Variants in COL25A1 observed in about 807,000 individuals in gnomAD.
COL25A1 encodes the protein collagen alpha-1(XXV) chain.
Under a neutral mutation model 128.4 loss-of-function variants are expected in COL25A1, and 103 were observed. The observed-to-expected ratio is 0.80, with a 90% CI of 0.68 to 0.94. COL25A1 has a LOEUF of 0.94. COL25A1 is among the 40% of genes least tolerant of loss of function. COL25A1 has a pLI of 0.00. For missense variants in COL25A1, 745 were observed against 840.0 expected (o/e 0.89, Z 1.40); for synonymous variants, 279 against 277.2 (o/e 1.01, Z -0.06).
At chr4:108,978,091 G>C (rs1752611722) in intron 6 of COL25A1, among the ~76,000 whole-genome samples, 1 of 152,198 alleles carries the variant, frequency 6.6e-6, no homozygotes, top group Non-Finnish European at 1.5e-5. Context: ...GTATCAACTA[G>C]AGTTCTTTAG....
chr4:108,994,661 C>T (rs572816643), intron 6 of COL25A1, among the ~76,000 whole-genome samples: 1 of 152,210 alleles, frequency 6.6e-6, no homozygotes, highest in African/African-American at 2.4e-5. Context: ...ACTGCTGCCT[C>T]AAGCGGGTCC....
intron 5 of COL25A1, among the ~76,000 whole-genome samples, chr4:109,029,947 A>G (rs901849436): frequency 2.0e-5 from 3 of 152,184 alleles, no homozygotes; most frequent in Non-Finnish European, 4.4e-5. Flanking sequence ...CACCTCATAG[A>G]TAAAGAACCT....
intron 18 of COL25A1, among the ~76,000 whole-genome samples, chr4:108,888,320 C>T (rs1373474533): frequency 2.0e-5 from 3 of 152,248 alleles, no homozygotes; most frequent in East Asian, 1.9e-4. Flanking sequence ...TCTCTCTTCC[C>T]TTTTCTGCTA....
At position 109,099,602 on chromosome 4, in the gene COL25A1, A is replaced by T. The variant is rs546179459; in HGVS notation, c.368-49423T>A. Among the ~76,000 whole-genome samples the T allele has an allele frequency of 1.3e-3, 194 of 149,902 alleles. 1 individual carries two copies. The highest frequency in any genetic ancestry group is 4.5e-3 in the African/African-American group (181 of 40,284). ...AAACAAGGTGGGAAGTCTTTTAAAA[A>T]TAGGTTCTCCCAAAGTTATAAAAAA... On this transcript the variant is annotated intron_variant, in intron 3 of 37. Transcript: ENST00000399132.
At chr4:109,016,224 C>T (rs1018135487) in intron 5 of COL25A1, among the ~76,000 whole-genome samples, 16 of 152,260 alleles carry the variant, frequency 1.1e-4, no homozygotes, top group African/African-American at 2.9e-4. Context: ...CAGACACTCA[C>T]AACCAAGCTG....
rs74393519 is a variant in COL25A1 at position 109,199,540 on chromosome 4, T to G, written c.367+101043A>C. 0.011 allele frequency among the ~76,000 whole-genome samples: 1,627 copies of G among 151,432 alleles called. 60 individuals carry two copies. In the South Asian group the frequency reaches 0.14, roughly 13 times the overall value. On this transcript the variant is annotated intron_variant, in intron 3 of 37. Transcript: ENST00000399132. ...CCTGAGAAGCAAAGTTATGATATAG[T>G]ATTATTTTCCAGAAAAAAAAAACTA...
intron 20 of COL25A1, among the ~76,000 whole-genome samples, chr4:108,865,888 C>T (rs1412103514): frequency 6.6e-6 from 1 of 152,196 alleles, no homozygotes; most frequent in Non-Finnish European, 1.5e-5. Flanking sequence ...CTGGCCTCAG[C>T]CTCCTGAGTA....
At chr4:109,029,759 A>G (rs1020057965) in intron 5 of COL25A1, among the ~76,000 whole-genome samples, 4 of 152,172 alleles carry the variant, frequency 2.6e-5, no homozygotes, top group African/African-American at 9.6e-5. Context: ...TATTGTCTAT[A>G]TTTATTCAAT....
chr4:108,840,568 G>T (rs1175020565), intron 31 of COL25A1, among the ~76,000 whole-genome samples: 3 of 152,138 alleles, frequency 2.0e-5, no homozygotes, highest in Admixed American at 2.0e-4. Context: ...TCCTAGAGCT[G>T]GGTGGGCCAA....
intron 3 of COL25A1, among the ~76,000 whole-genome samples, chr4:109,155,944 A>C (rs1771990612): frequency 6.6e-6 from 1 of 152,236 alleles, no homozygotes; most frequent in African/African-American, 2.4e-5. Flanking sequence ...GCACAGATCC[A>C]TAAGAAAAAC....
intron 6 of COL25A1, among the ~76,000 whole-genome samples, chr4:108,988,321 C>T (rs1473592099): frequency 6.6e-6 from 1 of 152,090 alleles, no homozygotes; most frequent in Non-Finnish European, 1.5e-5. Context: ...AACAATACAT[C>T]GGGACCAAAA....
intron 3 of COL25A1, among the ~76,000 whole-genome samples, chr4:109,097,734 G>A (rs897736872): frequency 6.8e-6 from 1 of 146,564 alleles, no homozygotes; most frequent in Non-Finnish European, 1.5e-5. Context: ...CGCGATCTTG[G>A]CTCACTGCAA....
chr4:108,891,218 G>A (rs895037857), intron 16 of COL25A1, among the ~76,000 whole-genome samples: 2 of 152,148 alleles, frequency 1.3e-5, no homozygotes, highest in Non-Finnish European at 2.9e-5. Context: ...GGAAAAAAAC[G>A]CTTATGAAAG....
rs537079957 is a variant in COL25A1 at position 109,046,267 on chromosome 4, TC to T, written c.420+1900del. Among the ~76,000 whole-genome samples the T allele has an allele frequency of 1.3e-4, 20 of 152,298 alleles. No individual in the cohort carries two copies. The South Asian group carries it at 4.1e-3, about 32-fold the overall frequency. On this transcript the variant is annotated intron_variant, in intron 5 of 37. Coordinates refer to ENST00000399132, the MANE Select transcript of COL25A1 (RefSeq NM_198721.4). ...TACACTAGGGGCTTAATGCTAATTC[TC>T]TCTTATTTCTATGTAATAAGAAAAG...
Position 109,019,375 on chromosome 4 carries a change from C to CATATATATATATATAT in COL25A1, c.421-9016_421-9001dup, listed in dbSNP as rs57842656. Among the ~76,000 whole-genome samples the CATATATATATATATAT allele has an allele frequency of 4.0e-3, 193 of 48,700 alleles. 2 individuals carry two copies. The highest frequency in any genetic ancestry group is 0.016 in the East Asian group (25 of 1,572). 31.9% of individuals were successfully genotyped at this position (48,700 alleles called of 152,430 possible). On this transcript the variant is annotated intron_variant, in intron 5 of 37. Coordinates refer to ENST00000399132, the MANE Select transcript of COL25A1 (RefSeq NM_198721.4). ...ACACACACACACACACACACACACA[C>CATATATATATATATAT]ATATATATATATATATATATATATT...
intron 16 of COL25A1, among the ~76,000 whole-genome samples, chr4:108,896,005 G>GTA (rs1742085121): frequency 6.9e-6 from 1 of 144,138 alleles, no homozygotes; most frequent in African/African-American, 2.6e-5. Context: ...GAGTGCAGTG[G>GTA]TGCGATCTCC....
At chr4:108,875,814 A>G (rs1157233217) in intron 19 of COL25A1, among the ~76,000 whole-genome samples, 1 of 152,170 alleles carries the variant, frequency 6.6e-6, no homozygotes, top group Non-Finnish European at 1.5e-5. Flanking sequence ...AACCAACCCA[A>G]ATGTCCATCA....
At chr4:109,015,252 A>G (rs1293882356) in intron 5 of COL25A1, among the ~76,000 whole-genome samples, 3 of 152,212 alleles carry the variant, frequency 2.0e-5, no homozygotes, top group Admixed American at 1.3e-4. Flanking sequence ...AAATATTTTC[A>G]TTCGTTACTG....
At chr4:108,831,688 GAGA>G (rs1406657739) in intron 32 of COL25A1, among the ~76,000 whole-genome samples, 19 of 4,512 alleles carry the variant, frequency 4.2e-3, no homozygotes, top group African/African-American at 0.034. Context: ...GAGAGAGGGG[GAGA>G]GAGAGAGAGA....
Sources: gnomAD v4.1 joint callset for allele counts (sites outside exome capture counted in the v4.1 genomes callset) on GRCh38, gnomAD v4.1.1 for gene constraint, MANE v1.5 for transcripts, NCBI Gene and HGNC (gene_info 2026-07-23, HGNC 2026-07-21) for gene names.